ATRN: variants seen among roughly 807,000 people sequenced by gnomAD.
ATRN encodes the protein attractin-2.
ATRN carries 54 observed loss-of-function variants against 178.7 expected under a neutral mutation model. The ratio of observed to expected loss-of-function variants is 0.30; its 90% CI spans 0.24 to 0.38. The LOEUF (loss-of-function observed/expected upper bound fraction) is 0.38. Among genes scored for constraint, ATRN ranks in the 10% least tolerant of loss-of-function variants. The probability of loss-of-function intolerance (pLI) is 1.00; values close to 1 mark genes in which losing one functional copy is unlikely to be tolerated. For synonymous variants in ATRN, 636 were observed against 663.0 expected (o/e 0.96, Z 0.63); for missense variants, 1,443 against 1,815.1 (o/e 0.79, Z 3.73).
At chr20:3,525,854 T>A (rs1030927255) in intron 1 of ATRN, among the ~76,000 whole-genome samples, 4 of 152,316 alleles carry the variant, frequency 2.6e-5, no homozygotes, top group Admixed American at 6.5e-5. Context: ...TCAACAGCTC[T>A]TCATGCTAAA....
At chr20:3,526,717 G>C (rs1306151105) in intron 1 of ATRN, among the ~76,000 whole-genome samples, 5 of 152,048 alleles carry the variant, frequency 3.3e-5, no homozygotes, top group Non-Finnish European at 5.9e-5. Context: ...AAAACAGCAT[G>C]ATACCAAAAC....
intron 1 of ATRN, among the ~76,000 whole-genome samples, chr20:3,476,075 G>A (rs1360799005): frequency 2.6e-5 from 4 of 152,190 alleles, no homozygotes; most frequent in East Asian, 1.9e-4. Flanking sequence ...AGCCCAGGAG[G>A]TTGAGGCTGC....
chr20:3,507,243 A>G (rs1449103915), intron 1 of ATRN, among the ~76,000 whole-genome samples: 1 of 151,644 alleles, frequency 6.6e-6, no homozygotes, highest in Non-Finnish European at 1.5e-5. Flanking sequence ...TGTCTCTACT[A>G]AAAAATACAA....
chr20:3,572,670 T>C, intron 11 of ATRN, 61 bp from the exon 12 acceptor site: 1 of 1,374,798 alleles, frequency 7.3e-7, no homozygotes. Context: ...AAAAAAAAAG[T>C]ATAGCATCCA....
Position 3,578,682 on chromosome 20 carries a change from C to A in ATRN, c.2454C>A (p.Asn818Lys). ...NYDNAKLFCR[N>K]HNALLASLTT... ...ACAATGCTAAATTGTTCTGTAGGAA[C>A]CACAATGCCCTTTTGGCTTCTCTTA... is the stretch of plus-strand genomic sequence containing the variant. Residue 818 changes from asparagine to lysine, a missense_variant, in exon 15 of 29, where the codon AAC becomes AAA. By Grantham distance (94) the Asn-to-Lys change is moderately conservative. Around this residue, in one of 4 missense-constraint regions of ATRN, gnomAD observed 212 missense variants for 330.7 expected, o/e 0.64. Coordinates refer to ENST00000262919, the MANE Select transcript of ATRN (RefSeq NM_139321.3). The A allele has an allele frequency of 6.2e-7, 1 of 1,614,026 alleles. No homozygotes were observed. Among genetic ancestry groups the A allele is most frequent in the Non-Finnish European group, 8.5e-7 (1 of 1,179,940 alleles).
intron 5 of ATRN, among the ~76,000 whole-genome samples, chr20:3,548,600 CAA>C (rs58357636): frequency 0.041 from 4,720 of 114,130 alleles, 58 homozygotes; most frequent in Non-Finnish European, 0.059. Flanking sequence ...GACTCCATCT[CAA>C]AAAAAAAAAA....
In ATRN at chr20:3,601,031, A is replaced by G. The variant is rs956285939; in HGVS notation, c.3643+7A>G. ...TGGGCTGCCAGTTTCTCAGGTAAAG[A>G]CATACCTAGAGAAGACCCCGCAAAT... On this transcript the variant is annotated splice_region_variant and intron_variant, in intron 23 of 28. Transcript: ENST00000262919. 2.5e-6 allele frequency: 4 copies of G among 1,603,766 alleles called. No individual in the cohort carries two copies. The highest frequency in any genetic ancestry group is 3.4e-6 in the Non-Finnish European group (4 of 1,171,060).
At chr20:3,629,259 T>C in intron 25 of ATRN, 1 of 985,316 alleles carries the variant, frequency 1.0e-6, no homozygotes, top group Non-Finnish European at 1.2e-6. Context: ...CCCCTTACCT[T>C]CCTGTCGTAT....
At chr20:3,479,539 A>C (rs2084588401) in intron 1 of ATRN, among the ~76,000 whole-genome samples, 1 of 152,192 alleles carries the variant, frequency 6.6e-6, no homozygotes. Flanking sequence ...TTCCAGAAGG[A>C]ATGAAGAGTT....
chr20:3,481,833 A>G (rs1247056299), intron 1 of ATRN, among the ~76,000 whole-genome samples: 2 of 133,894 alleles, frequency 1.5e-5, no homozygotes, highest in Admixed American at 7.9e-5. Flanking sequence ...CATTAAAAGT[A>G]TACAATTATT....
chr20:3,495,573 A>G (rs1336674284), intron 1 of ATRN, among the ~76,000 whole-genome samples: 1 of 152,126 alleles, frequency 6.6e-6, no homozygotes, highest in African/African-American at 2.4e-5. Flanking sequence ...TTTGGTCATC[A>G]CAGTGAAACC....
At chr20:3,644,083 A>G in intron 27 of ATRN, 71 bp from the exon 28 acceptor site, 1 of 1,162,536 alleles carries the variant, frequency 8.6e-7, no homozygotes, top group East Asian at 2.3e-5. Flanking sequence ...ATAAGCACAA[A>G]TGACCGTTAA....
chr20:3,611,833 T>G (rs931657409), intron 24 of ATRN, among the ~76,000 whole-genome samples: 1 of 152,138 alleles, frequency 6.6e-6, no homozygotes, highest in Non-Finnish European at 1.5e-5. Flanking sequence ...AAATTAAAAA[T>G]AGTAATAACA....
At chr20:3,524,936 T>G (rs1254836619) in intron 1 of ATRN, among the ~76,000 whole-genome samples, 5 of 152,144 alleles carry the variant, frequency 3.3e-5, no homozygotes, top group Non-Finnish European at 7.3e-5. Context: ...TAGCACTAAA[T>G]GCCCACAGGA....
chr20:3,518,926 A>G (rs940579694), intron 1 of ATRN, among the ~76,000 whole-genome samples: 2 of 150,492 alleles, frequency 1.3e-5, no homozygotes, highest in African/African-American at 4.9e-5. Context: ...AATATATTTA[A>G]CCAGTTCCTG....
chr20:3,569,093 C>G (rs2086079393), intron 11 of ATRN, among the ~76,000 whole-genome samples: 1 of 152,158 alleles, frequency 6.6e-6, no homozygotes, highest in Non-Finnish European at 1.5e-5. Context: ...GACCATGAAA[C>G]TACTGCAAGT....
intron 8 of ATRN, 122 bp from the exon 9 acceptor site, chr20:3,562,154 A>ATTTTT (rs2085961474): frequency 2.5e-6 from 2 of 802,780 alleles, no homozygotes; most frequent in Non-Finnish European, 3.9e-6. Context: ...AAATATAAAG[A>ATTTTT]TAAAAAAGTA....
chr20:3,546,980 A>C (rs1011335001), intron 4 of ATRN, among the ~76,000 whole-genome samples: 23 of 152,172 alleles, frequency 1.5e-4, no homozygotes, highest in Non-Finnish European at 2.6e-4. Context: ...CCTCCCACCC[A>C]TGAGGAGCTA....
At chr20:3,543,805 G>A (rs185898314) in intron 3 of ATRN, among the ~76,000 whole-genome samples, 1 of 152,250 alleles carries the variant, frequency 6.6e-6, no homozygotes, top group African/African-American at 2.4e-5. Context: ...GGCCGAGGCA[G>A]GAGAATTACT....
Sources: allele counts gnomAD v4.1 joint callset (sites outside exome capture counted in the v4.1 genomes callset), GRCh38; gene constraint gnomAD v4.1.1; regional missense constraint gnomAD v4.1.1; transcripts MANE v1.5; gene names NCBI Gene and HGNC (gene_info 2026-07-23, HGNC 2026-07-21).